The following RBFOX2 variants were observed in gnomAD, a reference collection of about 807,000 sequenced individuals.
RBFOX2 encodes RNA binding fox-1 homolog 2.
Under a neutral mutation model 49.1 loss-of-function variants are expected in RBFOX2, and 10 were observed. The observed-to-expected ratio is 0.20, with a 90% CI of 0.13 to 0.35. The LOEUF is 0.35. Ranked by LOEUF, RBFOX2 falls within the 10% of genes least tolerant of loss-of-function variation. The probability of loss-of-function intolerance (pLI) is 1.00; values close to 1 mark genes in which losing one functional copy is unlikely to be tolerated. For missense variants in RBFOX2, 323 were observed against 486.9 expected (o/e 0.66, Z 3.17); for synonymous variants, 183 against 187.4 (o/e 0.98, Z 0.19).
intron 1 of RBFOX2, among the ~76,000 whole-genome samples, chr22:35,884,000 C>CTTTTTTTTTTTTTTTTTTTTTTT (rs34644201): frequency 1.6e-5 from 1 of 62,640 alleles, no homozygotes; most frequent in Admixed American, 2.4e-4. Context: ...GTAGTTATCT[C>CTTTTTTTTTTTTTTTTTTTTTTT]TTTTTTTTTT....
At chr22:35,842,556 T>TA (rs1179947779), upstream of RBFOX2, among the ~76,000 whole-genome samples, 1 of 152,194 alleles carries the variant, frequency 6.6e-6, no homozygotes, top group Non-Finnish European at 1.5e-5. Context: ...TGAATCATAC[T>TA]AATGGGATAA....
chr22:35,881,574 T>A (rs1350279400), intron 1 of RBFOX2, among the ~76,000 whole-genome samples: 1 of 142,080 alleles, frequency 7.0e-6, no homozygotes, highest in Non-Finnish European at 1.5e-5. Flanking sequence ...AGAATGAGAC[T>A]CTGTCTCCAA....
intron 1 of RBFOX2, among the ~76,000 whole-genome samples, chr22:35,986,731 C>T (rs1396512246): frequency 6.6e-6 from 1 of 152,176 alleles, no homozygotes; most frequent in Admixed American, 6.5e-5. Flanking sequence ...TATTCCCAAT[C>T]CTTACCCTTT....
exon 11 of RBFOX2, chr22:35,745,951 G>A (rs1292118460): frequency 6.2e-7 from 1 of 1,613,946 alleles, no homozygotes; most frequent in African/African-American, 1.3e-5. Flanking sequence ...GCTAGCGGCA[G>A]GGGCAAGGGC....
At chr22:35,750,401 C>T (rs761050357) in intron 9 of RBFOX2, 4 of 1,552,210 alleles carry the variant, frequency 2.6e-6, no homozygotes, top group Admixed American at 1.7e-5. Flanking sequence ...TTAAAAAGGA[C>T]ATATGTATTT....
intron 1 of RBFOX2, among the ~76,000 whole-genome samples, chr22:35,909,664 C>T (rs1317981592): frequency 2.0e-5 from 3 of 152,298 alleles, no homozygotes; most frequent in East Asian, 1.9e-4. Context: ...CCTGTTGGAG[C>T]GAAGTGGCAC....
At chr22:36,018,798 G>C (rs12159922) in intron 1 of RBFOX2, among the ~76,000 whole-genome samples, 11 of 152,130 alleles carry the variant, frequency 7.2e-5, no homozygotes. Context: ...ATTTTTAGTA[G>C]AAACAGGGTT....
chr22:35,849,318 C>G (rs533467500), intron 1 of RBFOX2, among the ~76,000 whole-genome samples: 246 of 151,726 alleles, frequency 1.6e-3, no homozygotes, highest in Middle Eastern at 3.4e-3. Context: ...CACACACACA[C>G]ACACACACAC....
At chr22:35,923,668 G>A (rs866766259) in intron 1 of RBFOX2, among the ~76,000 whole-genome samples, 4 of 152,054 alleles carry the variant, frequency 2.6e-5, no homozygotes, top group South Asian at 2.1e-4. Flanking sequence ...TCAGGAAACT[G>A]CAAATCTTGA....
exon 3 of RBFOX2, chr22:35,781,608 T>G: frequency 6.2e-7 from 1 of 1,613,922 alleles, no homozygotes; most frequent in Non-Finnish European, 8.5e-7. Context: ...ACCCCAAACA[T>G]CTGCCGGAGG....
intron 1 of RBFOX2, among the ~76,000 whole-genome samples, chr22:35,837,958 C>A (rs1158434840): frequency 6.6e-6 from 1 of 152,158 alleles, no homozygotes; most frequent in Non-Finnish European, 1.5e-5. Flanking sequence ...ACTACACTTA[C>A]CAGCTCCTCT....
intron 1 of RBFOX2, among the ~76,000 whole-genome samples, chr22:35,981,015 A>G (rs1481903828): frequency 1.3e-5 from 2 of 152,224 alleles, no homozygotes; most frequent in African/African-American, 2.4e-5. Context: ...AGAAAAAGAT[A>G]GCAAGTGATT....
intron 5 of RBFOX2, among the ~76,000 whole-genome samples, chr22:35,765,718 C>T (rs1940738620): frequency 1.3e-5 from 2 of 151,872 alleles, no homozygotes; most frequent in South Asian, 4.2e-4. Context: ...ATCAGTACTC[C>T]AAAGAAAATA....
rs367733840 is a variant in RBFOX2, at chr22:36,008,748, G to A, written c.186+19492C>T. Reference sequence around the variant, plus strand: ...CATAAGAATCACTTGAACCTGGGAGGGGGAGGTTGCAGTGAGATTGCACCA... The same window carrying A: ...CATAAGAATCACTTGAACCTGGGAGAGGGAGGTTGCAGTGAGATTGCACCA... On this transcript the variant is annotated intron_variant, in intron 1 of 13. Transcript: ENST00000438146. 7.2e-5 allele frequency among the ~76,000 whole-genome samples: 11 copies of A among 152,210 alleles called. No individual in the cohort carries two copies. The South Asian group carries it at 1.0e-3, about 14-fold the overall frequency.
At chr22:35,811,374 T>C (rs558612081) in intron 1 of RBFOX2, among the ~76,000 whole-genome samples, 2 of 152,132 alleles carry the variant, frequency 1.3e-5, no homozygotes, top group South Asian at 4.2e-4. Flanking sequence ...CTTAATCCAA[T>C]TGGAGTGGTG....
intron 1 of RBFOX2, among the ~76,000 whole-genome samples, chr22:35,930,686 C>G (rs1350943206): frequency 6.6e-6 from 1 of 151,690 alleles, no homozygotes; most frequent in Non-Finnish European, 1.5e-5. Flanking sequence ...AAAAAGTAGT[C>G]GGGTTTGGTG....
chr22:35,971,562 T>C (rs1461008422), intron 1 of RBFOX2, among the ~76,000 whole-genome samples: 1 of 152,062 alleles, frequency 6.6e-6, no homozygotes, highest in Non-Finnish European at 1.5e-5. Context: ...TATACATATG[T>C]TTATGTTTAT....
intron 1 of RBFOX2, among the ~76,000 whole-genome samples, chr22:36,008,781 C>T (rs1315499231): frequency 6.6e-6 from 1 of 151,912 alleles, no homozygotes; most frequent in Non-Finnish European, 1.5e-5. Flanking sequence ...CCACTGCACT[C>T]CAGCCTGGGC....
At chr22:35,981,235 T>C (rs987386056) in intron 1 of RBFOX2, among the ~76,000 whole-genome samples, 1 of 152,200 alleles carries the variant, frequency 6.6e-6, no homozygotes, top group Non-Finnish European at 1.5e-5. Context: ...GCCCATCCTC[T>C]TTCTGTTCTA....
Sources: allele counts gnomAD v4.1 joint callset (sites outside exome capture counted in the v4.1 genomes callset), GRCh38; gene constraint gnomAD v4.1.1; transcripts MANE v1.5; gene names NCBI Gene and HGNC (gene_info 2026-07-23, HGNC 2026-07-21).